CCDC7: variants seen among roughly 807,000 people sequenced by gnomAD.
The protein encoded by CCDC7 is coiled-coil domain containing 7.
A neutral mutation model predicts 196.9 loss-of-function variants in CCDC7; 183 were observed. The ratio of observed to expected loss-of-function variants is 0.93; its 90% confidence interval spans 0.82 to 1.05. The LOEUF (loss-of-function observed/expected upper bound fraction) is 1.05, where lower values mean the gene tolerates loss of function less well. Among genes scored for constraint, CCDC7 ranks in the 50% least tolerant of loss-of-function variants. The probability of loss-of-function intolerance (pLI) is 0.00; values close to 1 mark genes in which losing one functional copy is unlikely to be tolerated. For synonymous variants in CCDC7, 525 were observed against 484.6 expected (o/e 1.08, Z -1.10); for missense variants, 1,540 against 1,482.2 (o/e 1.04, Z -0.64).
At chr10:32,702,883 T>G (rs2079002841) in intron 24 of CCDC7, among the ~76,000 whole-genome samples, 1 of 152,204 alleles carries the variant, frequency 6.6e-6, no homozygotes, top group South Asian at 2.1e-4. Context: ...TCTTCCTCCA[T>G]CCCTTTACTT....
intron 30 of CCDC7, among the ~76,000 whole-genome samples, chr10:32,807,335 G>A (rs904822635): frequency 1.3e-5 from 2 of 151,936 alleles, no homozygotes; most frequent in African/African-American, 4.8e-5. Context: ...TAGACATGTA[G>A]TATATTCCAG....
chr10:32,573,236 C>T (rs2057792397), intron 16 of CCDC7, among the ~76,000 whole-genome samples: 1 of 152,118 alleles, frequency 6.6e-6, no homozygotes, highest in African/African-American at 2.4e-5. Flanking sequence ...TATAGTTTTC[C>T]ATGCAATCAT....
At chr10:32,715,616 C>T (rs2081452370) in intron 25 of CCDC7, among the ~76,000 whole-genome samples, 1 of 152,152 alleles carries the variant, frequency 6.6e-6, no homozygotes, top group Non-Finnish European at 1.5e-5. Flanking sequence ...GCTAAAGGAG[C>T]ATGTTCTAAC....
intron 9 of CCDC7, among the ~76,000 whole-genome samples, chr10:32,515,940 C>T (rs189145525): frequency 5.8e-4 from 89 of 152,204 alleles, no homozygotes; most frequent in Non-Finnish European, 8.8e-4. Context: ...AGGAGTAAAT[C>T]TTTGTGACAT....
At chr10:32,534,892 A>G (rs949243600) in intron 11 of CCDC7, among the ~76,000 whole-genome samples, 5 of 152,042 alleles carry the variant, frequency 3.3e-5, no homozygotes, top group African/African-American at 9.7e-5. Flanking sequence ...TTAGGCAGTC[A>G]TAATGCTTCC....
At chr10:32,710,008 C>T (rs1265729086) in intron 24 of CCDC7, among the ~76,000 whole-genome samples, 1 of 152,124 alleles carries the variant, frequency 6.6e-6, no homozygotes, top group Non-Finnish European at 1.5e-5. Flanking sequence ...CATGGGTTTG[C>T]CAAAGTTGTC....
chr10:32,871,899 C>A lies in CCDC7; in HGVS notation c.4112-4448C>A, dbSNP rs527907361. Among the ~76,000 whole-genome samples, 24 of 152,072 alleles carry A rather than the reference C, an allele frequency of 1.6e-4. No homozygotes were observed. In the South Asian group the frequency reaches 4.8e-3, roughly 30 times the overall value. ...GGAGCAGGTTGTTCAGTTTCCATGT[C>A]CTTGAGCGGTTTTGAGTGAGTTCCT... On this transcript the variant is annotated intron_variant, in intron 41 of 41. Coordinates refer to ENST00000639629, the Ensembl canonical transcript of CCDC7.
At chr10:32,548,492 G>A (rs369666220) in intron 13 of CCDC7, among the ~76,000 whole-genome samples, 3 of 152,200 alleles carry the variant, frequency 2.0e-5, no homozygotes, top group Non-Finnish European at 2.9e-5. Flanking sequence ...AACTAGGGGC[G>A]AGGAGAATGA....
chr10:32,716,321 C>T (rs2081572332), intron 25 of CCDC7, among the ~76,000 whole-genome samples: 1 of 152,116 alleles, frequency 6.6e-6, no homozygotes, highest in Non-Finnish European at 1.5e-5. Flanking sequence ...AAAGGAGAAA[C>T]AAAATCCATT....
chr10:32,598,009 A>G (rs997056142), intron 18 of CCDC7, among the ~76,000 whole-genome samples: 6 of 152,198 alleles, frequency 3.9e-5, no homozygotes, highest in African/African-American at 1.4e-4. Context: ...CCATGCTGGG[A>G]GAACCGCTAC....
downstream of CCDC7, among the ~76,000 whole-genome samples, chr10:32,878,085 C>T (rs1307227332): frequency 6.6e-6 from 1 of 152,046 alleles, no homozygotes; most frequent in Non-Finnish European, 1.5e-5. Context: ...CTCCTCAGCA[C>T]TTTTCAGTAG....
In CCDC7 at chr10:32,474,032, C is replaced by CCA. The variant is rs2038474030; in HGVS notation, c.796+11_796+12dup. The CCA allele has an allele frequency of 1.2e-6, 2 of 1,610,038 alleles. No individual in the cohort carries two copies. The highest frequency in any genetic ancestry group is 1.7e-6 in the Non-Finnish European group (2 of 1,178,162). Reference sequence around the variant, plus strand: ...TTCTGCAACAGAACCACGTAAGTTTCCACTCATTAAAGCATTATTGTGATA... The same window carrying CCA: ...TTCTGCAACAGAACCACGTAAGTTTCCACACTCATTAAAGCATTATTGTGATA... On this transcript the variant is annotated intron_variant, in intron 8 of 41. Transcript: ENST00000639629.
At chr10:32,447,131 A>G (rs926353688), upstream of CCDC7, among the ~76,000 whole-genome samples, 4 of 152,114 alleles carry the variant, frequency 2.6e-5, no homozygotes, top group African/African-American at 9.7e-5. Context: ...CAGTGCTTAT[A>G]TTCAATTCAT....
chr10:32,528,894 ATGCATTTGGAAATATCTTTTT>A (rs2049181102), intron 11 of CCDC7, among the ~76,000 whole-genome samples: 2 of 151,850 alleles, frequency 1.3e-5, no homozygotes, highest in South Asian at 4.2e-4. Context: ...TGCTATAAAC[ATGCATTTGGAAATATCTTTTT>A]TGTATAATGA....
At chr10:32,786,880 A>G (rs761795503) in intron 29 of CCDC7, among the ~76,000 whole-genome samples, 1 of 152,228 alleles carries the variant, frequency 6.6e-6, no homozygotes, top group Non-Finnish European at 1.5e-5. Context: ...TGAAATAAAG[A>G]TGATAAAAAA....
chr10:32,665,506 T>TAAA, intron 21 of CCDC7, among the ~76,000 whole-genome samples: 2 of 152,218 alleles, frequency 1.3e-5, no homozygotes, highest in Admixed American at 1.3e-4. Context: ...GATGAAGGTA[T>TAAA]AATTTTATTC....
chr10:32,484,337 C>T (rs1418555187), intron 8 of CCDC7, among the ~76,000 whole-genome samples: 1 of 152,140 alleles, frequency 6.6e-6, no homozygotes, highest in East Asian at 1.9e-4. Flanking sequence ...GATTTTTGCA[C>T]ATTGATTTTG....
intron 8 of CCDC7, among the ~76,000 whole-genome samples, 187 bp downstream of exon 9, chr10:32,474,210 C>CTTTTTTTTT (rs71027095): frequency 6.8e-5 from 4 of 58,964 alleles, no homozygotes; most frequent in African/African-American, 1.2e-4. Flanking sequence ...AAACTAGATT[C>CTTTTTTTTT]TTTTTTTTTT....
chr10:32,474,148 A>G, intron 8 of CCDC7, 125 bp downstream of exon 9: 1 of 693,448 alleles, frequency 1.4e-6, no homozygotes, highest in South Asian at 3.8e-5. Flanking sequence ...CATATAGTTG[A>G]GCTGGTTGTC....
Sources: allele counts gnomAD v4.1 joint callset (sites outside exome capture counted in the v4.1 genomes callset), GRCh38; gene constraint gnomAD v4.1.1; transcripts MANE v1.5; gene names NCBI Gene and HGNC (gene_info 2026-07-23, HGNC 2026-07-21).